DISC1: variants seen among roughly 807,000 people sequenced by gnomAD.
DISC1 encodes disrupted in schizophrenia 1 protein.
In DISC1, 57 loss-of-function variants were observed where a neutral mutation model predicts 84.5. The observed-to-expected ratio is 0.67, with a 90% CI of 0.55 to 0.84. DISC1 has a LOEUF of 0.84. Ranked by LOEUF, DISC1 falls within the 40% of genes least tolerant of loss-of-function variation. The probability of loss-of-function intolerance (pLI) is 0.00; values close to 1 mark genes in which losing one functional copy is unlikely to be tolerated. For missense variants in DISC1, 1,000 were observed against 1,057.8 expected, an observed-to-expected ratio of 0.95 and a Z score of 0.76; for synonymous variants, 411 against 415.2, an observed-to-expected ratio of 0.99 and a Z score of 0.12.
intron 11 of DISC1, among the ~76,000 whole-genome samples, chr1:232,015,316 G>A (rs1486764910): frequency 6.6e-6 from 1 of 151,920 alleles, no homozygotes; most frequent in Non-Finnish European, 1.5e-5. Context: ...ATAGTTCAGC[G>A]CTTCTGAGGA....
chr1:231,727,315 A>G (rs923787828), intron 3 of DISC1, among the ~76,000 whole-genome samples: 3 of 152,296 alleles, frequency 2.0e-5, no homozygotes, highest in Middle Eastern at 3.4e-3. Context: ...TCATATATCA[A>G]CATGTCCCAG....
intron 10 of DISC1, among the ~76,000 whole-genome samples, chr1:232,002,852 G>C (rs1666887631): frequency 2.0e-5 from 3 of 152,014 alleles, no homozygotes; most frequent in Non-Finnish European, 4.4e-5. Flanking sequence ...AGGGGTACCT[G>C]AACTTACATA....
intron 1 of DISC1, among the ~76,000 whole-genome samples, chr1:231,681,934 A>G (rs2063739200): frequency 6.6e-6 from 1 of 152,168 alleles, no homozygotes; most frequent in South Asian, 2.1e-4. Flanking sequence ...TCCTGACCTC[A>G]GGTAATCCGC....
intron 9 of DISC1, among the ~76,000 whole-genome samples, chr1:231,921,776 C>T (rs12565118): frequency 0.18 from 26,748 of 148,254 alleles, 3,228 homozygotes; most frequent in East Asian, 0.67. Context: ...CACAATCCAG[C>T]TAACTAACAT....
chr1:231,701,549 A>T (rs1300331001), intron 2 of DISC1, among the ~76,000 whole-genome samples: 1 of 152,208 alleles, frequency 6.6e-6, no homozygotes, highest in African/African-American at 2.4e-5. Context: ...GCTTAAGTTC[A>T]TGCTCTTTTT....
intron 9 of DISC1, among the ~76,000 whole-genome samples, chr1:231,820,868 A>G (rs771171079): frequency 6.6e-6 from 1 of 152,238 alleles, no homozygotes; most frequent in African/African-American, 2.4e-5. Flanking sequence ...GTGCCCCACT[A>G]AAGTGATGAA....
intron 1 of DISC1, among the ~76,000 whole-genome samples, chr1:231,668,179 C>G (rs924386059): frequency 6.6e-6 from 1 of 152,128 alleles, no homozygotes; most frequent in Admixed American, 6.5e-5. Flanking sequence ...ACATGTCCCT[C>G]AACTCCCAAA....
intron 1 of DISC1, among the ~76,000 whole-genome samples, chr1:231,686,434 C>T (rs780140269): frequency 6.6e-6 from 1 of 152,226 alleles, no homozygotes; most frequent in Non-Finnish European, 1.5e-5. Context: ...GTGGAAGCTG[C>T]CAAGGCTTAG....
At chr1:231,875,857 G>A (rs1216355633) in intron 9 of DISC1, among the ~76,000 whole-genome samples, 1 of 152,034 alleles carries the variant, frequency 6.6e-6, no homozygotes, top group African/African-American at 2.4e-5. Context: ...AAATAAAGAG[G>A]ACAAAAGAGG....
At chr1:231,716,921 T>G (rs1267856809) in intron 3 of DISC1, among the ~76,000 whole-genome samples, 2 of 152,176 alleles carry the variant, frequency 1.3e-5, no homozygotes, top group Non-Finnish European at 2.9e-5. Context: ...TCTGGGCACT[T>G]AATTAAATCT....
At chr1:231,960,072 G>A (rs1572357448) in intron 10 of DISC1, among the ~76,000 whole-genome samples, 1 of 152,184 alleles carries the variant, frequency 6.6e-6, no homozygotes, top group Non-Finnish European at 1.5e-5. Context: ...CATAAAAACT[G>A]CCTAACCTTA....
chr1:231,634,387 C>T (rs1251282216), intron 1 of DISC1, among the ~76,000 whole-genome samples: 3 of 152,104 alleles, frequency 2.0e-5, no homozygotes, highest in African/African-American at 7.2e-5. Context: ...ATTTCTGCTA[C>T]ACTGGAAACT....
At chr1:231,969,666 T>G (rs113952232) in intron 10 of DISC1, among the ~76,000 whole-genome samples, 17 of 151,612 alleles carry the variant, frequency 1.1e-4, no homozygotes, top group African/African-American at 4.1e-4. Context: ...TTGTTACATA[T>G]GTATACCAGT....
At chr1:231,683,076 C>T (rs1269897660) in intron 1 of DISC1, among the ~76,000 whole-genome samples, 3 of 152,218 alleles carry the variant, frequency 2.0e-5, no homozygotes, top group Non-Finnish European at 2.9e-5. Flanking sequence ...AGATTTAGAA[C>T]AGAGGCATGG....
At chr1:232,019,179 G>T (rs1214892218) in intron 11 of DISC1, among the ~76,000 whole-genome samples, 1 of 152,142 alleles carries the variant, frequency 6.6e-6, no homozygotes, top group Non-Finnish European at 1.5e-5. Context: ...AAGTAGGCAG[G>T]GTTGGAGATT....
intron 9 of DISC1, among the ~76,000 whole-genome samples, chr1:231,923,659 G>T (rs909543817): frequency 6.6e-6 from 1 of 152,216 alleles, no homozygotes; most frequent in Non-Finnish European, 1.5e-5. Context: ...GCACGCTGAC[G>T]CTGTTTCCTA....
Position 231,811,857 on chromosome 1 carries a change from G to T in DISC1, c.1793-6472G>T, listed in dbSNP as rs142369395. On this transcript the variant is annotated intron_variant, in intron 8 of 12. Transcript: ENST00000439617. ...CTCTGAAACTCTGTGACCTTCACAA[G>T]GTTACCTCTGGGTCTAGATTTTTTA... 1.8e-3 allele frequency among the ~76,000 whole-genome samples: 271 copies of T among 152,296 alleles called. 2 individuals are homozygous for T. The highest frequency in any genetic ancestry group is 6.3e-3 in the African/African-American group (262 of 41,562).
rs532648306 is a variant in DISC1 at position 231,800,394 on chromosome 1, G to A, written c.1792+184G>A. On this transcript the variant is annotated intron_variant, in intron 8 of 12. Coordinates refer to ENST00000439617, the MANE Select transcript of DISC1 (RefSeq NM_018662.3). ...AGCACAAGGTGTTTAAGTGAGTACC[G>A]TATTTGGGATTTCTAGTTCCTGTTT... is the stretch of plus-strand genomic sequence containing the variant. Among the ~76,000 whole-genome samples the A allele has an allele frequency of 1.2e-4, 18 of 152,260 alleles. No individual in the cohort carries two copies. In the South Asian group the frequency reaches 1.7e-3, roughly 14 times the overall value.
intron 3 of DISC1, among the ~76,000 whole-genome samples, chr1:231,739,242 A>C (rs1290012719): frequency 2.0e-5 from 3 of 152,232 alleles, no homozygotes; most frequent in African/African-American, 7.2e-5. Context: ...AGTCATTAGA[A>C]TCTTTTCTAC....
Sources: allele counts gnomAD v4.1 joint callset (sites outside exome capture counted in the v4.1 genomes callset), GRCh38; gene constraint gnomAD v4.1.1; transcripts MANE v1.5; gene names NCBI Gene and HGNC (gene_info 2026-07-23, HGNC 2026-07-21).